SRGAP3: variants seen among roughly 807,000 people sequenced by gnomAD.
The protein encoded by SRGAP3 is SLIT-ROBO Rho GTPase activating protein 3.
Under a neutral mutation model 121.1 loss-of-function variants are expected in SRGAP3, and 39 were observed. The observed-to-expected ratio is 0.32, with a 90% CI of 0.25 to 0.42. The LOEUF (loss-of-function observed/expected upper bound fraction) is 0.42, where lower values mean the gene tolerates loss of function less well. Among genes scored for constraint, SRGAP3 ranks in the 10% least tolerant of loss-of-function variants. SRGAP3 has a pLI of 1.00. For synonymous variants in SRGAP3, 601 were observed against 570.0 expected (o/e 1.05, Z -0.77); for missense variants, 1,213 against 1,470.6 (o/e 0.82, Z 2.86).
chr3:9,179,733 C>T (rs1037569034), intron 1 of SRGAP3, among the ~76,000 whole-genome samples: 7 of 152,252 alleles, frequency 4.6e-5, no homozygotes, highest in African/African-American at 1.7e-4. Flanking sequence ...TAACTAACAA[C>T]GTCATCTCCA....
intron 1 of SRGAP3, among the ~76,000 whole-genome samples, chr3:9,343,633 T>C (rs2596928): frequency 0.14 from 21,474 of 152,210 alleles, 2,198 homozygotes; most frequent in East Asian, 0.36. Context: ...CATACATCTT[T>C]ATATTAAAAA....
intron 3 of SRGAP3, among the ~76,000 whole-genome samples, chr3:9,263,301 A>C (rs1411313231): frequency 2.0e-5 from 3 of 152,168 alleles, no homozygotes; most frequent in Non-Finnish European, 4.4e-5. Flanking sequence ...CATCACAATT[A>C]AAAGAACTAG....
chr3:9,248,757 A>G (rs1953914580), intron 1 of SRGAP3, 128 bp downstream of exon 1: 1 of 1,001,298 alleles, frequency 1.0e-6, no homozygotes, highest in Admixed American at 2.0e-5. Context: ...ACTCCTCACA[A>G]AAAGATTATT....
chr3:9,299,323 T>G (rs1392716078), intron 3 of SRGAP3, among the ~76,000 whole-genome samples: 2 of 141,316 alleles, frequency 1.4e-5, no homozygotes, highest in Non-Finnish European at 3.0e-5. Context: ...ATCGCGCCAC[T>G]GCACTCCAGC....
intron 3 of SRGAP3, among the ~76,000 whole-genome samples, chr3:9,290,471 G>A (rs763739817): frequency 2.0e-5 from 3 of 152,180 alleles, no homozygotes; most frequent in Non-Finnish European, 2.9e-5. Flanking sequence ...ACTAGGCAAT[G>A]AGGGGCCCTA....
At chr3:9,113,514 G>C (rs1948702814) in intron 2 of SRGAP3, among the ~76,000 whole-genome samples, 1 of 152,124 alleles carries the variant, frequency 6.6e-6, no homozygotes, top group Non-Finnish European at 1.5e-5. Context: ...CTTCTATAAA[G>C]ACCCTGTTTC....
chr3:9,064,864 T>A (rs944118645), intron 4 of SRGAP3, among the ~76,000 whole-genome samples: 2 of 45,576 alleles, frequency 4.4e-5, no homozygotes, highest in Non-Finnish European at 6.2e-5. Flanking sequence ...AAAATAATAA[T>A]AAATAAATAA....
chr3:9,270,308 A>G (rs954283235), intron 3 of SRGAP3, among the ~76,000 whole-genome samples: 2 of 152,230 alleles, frequency 1.3e-5, no homozygotes, highest in Non-Finnish European at 2.9e-5. Context: ...CTTTACATAT[A>G]TGTGTATCAA....
intron 19 of SRGAP3, 147 bp downstream of exon 19, chr3:8,994,196 G>A (rs1942247404): frequency 9.7e-7 from 1 of 1,032,916 alleles, no homozygotes; most frequent in African/African-American, 1.6e-5. Flanking sequence ...AGGGAAGTTA[G>A]ATATTACCCA....
chr3:9,030,422 G>A (rs1944425586), intron 12 of SRGAP3, among the ~76,000 whole-genome samples: 1 of 152,164 alleles, frequency 6.6e-6, no homozygotes, highest in South Asian at 2.1e-4. Context: ...AGCTTCAAAC[G>A]GAGCTTTCTA....
intron 1 of SRGAP3, among the ~76,000 whole-genome samples, chr3:9,359,370 C>T: frequency 6.6e-6 from 1 of 152,184 alleles, no homozygotes. Context: ...TCAAAATCCT[C>T]ATTATACCAG....
upstream of SRGAP3, among the ~76,000 whole-genome samples, chr3:9,250,675 C>G (rs1388106485): frequency 6.6e-6 from 1 of 152,146 alleles, no homozygotes; most frequent in Non-Finnish European, 1.5e-5. Flanking sequence ...TGTTATTACC[C>G]TTTTATATCC....
chr3:9,222,909 G>A (rs1437110054), intron 1 of SRGAP3, among the ~76,000 whole-genome samples: 1 of 152,182 alleles, frequency 6.6e-6, no homozygotes, highest in Admixed American at 6.5e-5. Flanking sequence ...AACAGCTTGG[G>A]TGATATCTCT....
chr3:9,024,005 C>T (rs76537251), intron 14 of SRGAP3, among the ~76,000 whole-genome samples: 428 of 152,202 alleles, frequency 2.8e-3, no homozygotes, highest in Non-Finnish European at 5.0e-3. Context: ...TGGAGATGAC[C>T]GAGAGGCAGA....
chr3:9,013,271 G>A (rs749295366), intron 17 of SRGAP3, 37 bp downstream of exon 17: 1 of 1,589,894 alleles, frequency 6.3e-7, no homozygotes, highest in Admixed American at 1.7e-5. Context: ...CAATAACAAT[G>A]ACGATGATAA....
intron 4 of SRGAP3, among the ~76,000 whole-genome samples, chr3:9,070,228 G>T (rs1449064185): frequency 6.6e-6 from 1 of 152,216 alleles, no homozygotes; most frequent in African/African-American, 2.4e-5. Flanking sequence ...TCCATAAAGG[G>T]ACACCTGAAG....
chr3:9,100,203 G>C (rs1575073802), intron 3 of SRGAP3, among the ~76,000 whole-genome samples: 2 of 152,286 alleles, frequency 1.3e-5, no homozygotes. Flanking sequence ...CCTCTGTTCT[G>C]AGTTTTTTCC....
chr3:9,126,492 T>TA (rs1949236032), intron 1 of SRGAP3, among the ~76,000 whole-genome samples: 1 of 151,986 alleles, frequency 6.6e-6, no homozygotes, highest in South Asian at 2.1e-4. Context: ...TAGCCAGGCA[T>TA]AGTGGCAGGC....
chr3:9,229,455 C>T (rs1953120309), intron 1 of SRGAP3, among the ~76,000 whole-genome samples: 1 of 152,164 alleles, frequency 6.6e-6, no homozygotes, highest in South Asian at 2.1e-4. Flanking sequence ...TGGGCCCGGA[C>T]AGAGGCCGGC....
Sources: gnomAD v4.1 joint callset for allele counts (sites outside exome capture counted in the v4.1 genomes callset) on GRCh38, gnomAD v4.1.1 for gene constraint, MANE v1.5 for transcripts, NCBI Gene and HGNC (gene_info 2026-07-23, HGNC 2026-07-21) for gene names.